Variants in ASIC2 observed in about 807,000 individuals in gnomAD.
The protein encoded by ASIC2 is acid-sensing ion channel 2.
A neutral mutation model predicts 57.3 loss-of-function variants in ASIC2; 25 were observed. The ratio of observed to expected loss-of-function variants is 0.44; its 90% CI spans 0.32 to 0.61. The LOEUF (loss-of-function observed/expected upper bound fraction) is 0.61. Ranked by LOEUF, ASIC2 falls within the 20% of genes least tolerant of loss-of-function variation. The pLI, the probability that ASIC2 is intolerant of heterozygous loss-of-function variation, is 0.06. For missense variants in ASIC2, 641 were observed against 738.1 expected, an observed-to-expected ratio of 0.87 and a Z score of 1.52; for synonymous variants, 319 against 307.5, an observed-to-expected ratio of 1.04 and a Z score of -0.39.
At chr17:34,081,870 T>C (rs924734385) in intron 1 of ASIC2, among the ~76,000 whole-genome samples, 1 of 152,284 alleles carries the variant, frequency 6.6e-6, no homozygotes, top group Non-Finnish European at 1.5e-5. Context: ...TAGTAAGTAT[T>C]AGAGATAATT....
intron 1 of ASIC2, among the ~76,000 whole-genome samples, chr17:33,627,431 C>G (rs1906022173): frequency 6.6e-6 from 1 of 152,206 alleles, no homozygotes; most frequent in South Asian, 2.1e-4. Flanking sequence ...AATATGTGGC[C>G]TGCAGGCGTA....
chr17:33,957,429 A>C (rs1276772391), intron 1 of ASIC2, among the ~76,000 whole-genome samples: 1 of 152,138 alleles, frequency 6.6e-6, no homozygotes, highest in African/African-American at 2.4e-5. Flanking sequence ...GTAATTTATA[A>C]AGATAAGAGG....
chr17:34,100,657 T>A (rs1024981692), intron 1 of ASIC2, among the ~76,000 whole-genome samples: 1 of 152,196 alleles, frequency 6.6e-6, no homozygotes, highest in Admixed American at 6.5e-5. Context: ...CATCCATCCC[T>A]GAGAGGGCTG....
intron 1 of ASIC2, among the ~76,000 whole-genome samples, chr17:33,974,924 C>T (rs1168076756): frequency 1.3e-5 from 2 of 152,150 alleles, no homozygotes; most frequent in Admixed American, 1.3e-4. Context: ...CAATTTTCTC[C>T]ATAGTACTTT....
intron 1 of ASIC2, among the ~76,000 whole-genome samples, chr17:33,470,137 G>T (rs1210396729): frequency 1.3e-5 from 2 of 152,196 alleles, no homozygotes; most frequent in Non-Finnish European, 2.9e-5. Flanking sequence ...TCACAGACCA[G>T]CTGGTGTCTG....
intron 1 of ASIC2, among the ~76,000 whole-genome samples, chr17:33,396,928 G>T (rs62069428): frequency 6.6e-6 from 1 of 152,106 alleles, no homozygotes; most frequent in Non-Finnish European, 1.5e-5. Context: ...AGGCACTGTA[G>T]GTTATAATAG....
intron 1 of ASIC2, among the ~76,000 whole-genome samples, chr17:33,971,156 A>G (rs1190019648): frequency 6.6e-6 from 1 of 152,184 alleles, no homozygotes; most frequent in Non-Finnish European, 1.5e-5. Context: ...ACAGCCAAAT[A>G]CAGAAGCCGG....
intron 1 of ASIC2, among the ~76,000 whole-genome samples, chr17:33,813,402 C>T (rs781049938): frequency 3.9e-4 from 59 of 152,186 alleles, no homozygotes; most frequent in Non-Finnish European, 7.6e-4. Flanking sequence ...AACCCAGCCC[C>T]AGAGTGCCAG....
At chr17:33,182,271 T>A (rs1461801467) in intron 1 of ASIC2, among the ~76,000 whole-genome samples, 1 of 152,042 alleles carries the variant, frequency 6.6e-6, no homozygotes, top group African/African-American at 2.4e-5. Flanking sequence ...AAAACAAGAA[T>A]CAGGGACGAT....
intron 1 of ASIC2, among the ~76,000 whole-genome samples, chr17:33,604,159 C>T (rs954374942): frequency 6.6e-6 from 1 of 152,138 alleles, no homozygotes; most frequent in Admixed American, 6.5e-5. Context: ...ACATTGCCCA[C>T]AGCCAGACAG....
At chr17:33,306,838 G>A (rs1243242494) in intron 1 of ASIC2, among the ~76,000 whole-genome samples, 1 of 152,114 alleles carries the variant, frequency 6.6e-6, no homozygotes, top group East Asian at 1.9e-4. Context: ...TCTGTGTGCT[G>A]TGTCACACAG....
At chr17:33,863,808 C>T (rs1436708899) in intron 1 of ASIC2, among the ~76,000 whole-genome samples, 2 of 152,084 alleles carry the variant, frequency 1.3e-5, no homozygotes, top group African/African-American at 4.8e-5. Context: ...AAATCTTGGG[C>T]ACAGAGCCTT....
chr17:33,728,611 C>T (rs561411411), intron 1 of ASIC2, among the ~76,000 whole-genome samples: 1 of 152,252 alleles, frequency 6.6e-6, no homozygotes, highest in African/African-American at 2.4e-5. Context: ...GATTCATAGC[C>T]TGTGATGGGT....
chr17:33,221,407 A>G (rs1007302018), intron 1 of ASIC2, among the ~76,000 whole-genome samples: 4 of 152,262 alleles, frequency 2.6e-5, no homozygotes, highest in African/African-American at 9.6e-5. Context: ...TTCAAGGACC[A>G]GGAACCAACA....
chr17:33,397,880 A>G (rs1910136630), intron 1 of ASIC2, among the ~76,000 whole-genome samples: 2 of 152,360 alleles, frequency 1.3e-5, no homozygotes, highest in East Asian at 3.9e-4. Context: ...TAACTGCATC[A>G]TATTTTAAAA....
At chr17:33,518,487 A>G (rs1231582500) in intron 1 of ASIC2, among the ~76,000 whole-genome samples, 1 of 152,160 alleles carries the variant, frequency 6.6e-6, no homozygotes, top group East Asian at 1.9e-4. Flanking sequence ...ACTAAGCTCC[A>G]TCAGATCTGG....
chr17:33,191,955 C>G (rs9674667), intron 1 of ASIC2, among the ~76,000 whole-genome samples: 42,167 of 152,022 alleles, frequency 0.28, 8,567 homozygotes, highest in African/African-American at 0.56. Flanking sequence ...TTGGATGTTG[C>G]AGAATTTAAC....
At chr17:34,036,964 A>C (rs1383397389) in intron 1 of ASIC2, 1 of 152,592 alleles carries the variant, frequency 6.6e-6, no homozygotes, top group Non-Finnish European at 1.5e-5. Context: ...GATTGGAATG[A>C]ACATTGCCAC....
At chr17:33,999,868 T>G (rs1344294520) in intron 1 of ASIC2, among the ~76,000 whole-genome samples, 2 of 152,150 alleles carry the variant, frequency 1.3e-5, no homozygotes, top group African/African-American at 4.8e-5. Flanking sequence ...TAAACTTTCA[T>G]GTTTTTATGC....
Sources: gnomAD v4.1 joint callset for allele counts (sites outside exome capture counted in the v4.1 genomes callset) on GRCh38, gnomAD v4.1.1 for gene constraint, MANE v1.5 for transcripts, NCBI Gene and HGNC (gene_info 2026-07-23, HGNC 2026-07-21) for gene names.